Variants in WWOX observed in about 807,000 individuals in gnomAD.
WWOX encodes the protein WW domain-containing oxidoreductase.
A neutral mutation model predicts 46.2 loss-of-function variants in WWOX; 69 were observed. The ratio of observed to expected loss-of-function variants is 1.49; its 90% CI spans 1.23 to 1.82. The LOEUF (loss-of-function observed/expected upper bound fraction) is 1.82, where lower values mean the gene tolerates loss of function less well. Among genes scored for constraint, WWOX ranks in the 40% most tolerant of loss-of-function variants. WWOX has a pLI of 0.00. For missense variants in WWOX, 919 were observed against 542.6 expected, an observed-to-expected ratio of 1.69 and a Z score of -6.89; for synonymous variants, 359 against 202.6, an observed-to-expected ratio of 1.77 and a Z score of -6.56.
In WWOX at chr16:78,308,580, T is replaced by A. The variant is rs1313628925; in HGVS notation, c.517-78280T>A. Among the ~76,000 whole-genome samples, 4 of 152,200 alleles carry A rather than the reference T, an allele frequency of 2.6e-5. No individual in the cohort carries two copies. The South Asian group carries it at 6.2e-4, about 24-fold the overall frequency. On this transcript the variant is annotated intron_variant, in intron 5 of 8. Transcript: ENST00000566780. ...CCAAAATATATTTCTCTGGTATATT[T>A]CGAAATGGCCCTGCAAAGCTGTTTC...
chr16:78,431,296 T>G (rs181620609), intron 7 of WWOX, among the ~76,000 whole-genome samples: 57 of 152,330 alleles, frequency 3.7e-4, no homozygotes, highest in African/African-American at 1.3e-3. Flanking sequence ...TGGCTTTGTT[T>G]ACATTTTTCT....
intron 8 of WWOX, among the ~76,000 whole-genome samples, chr16:78,937,506 G>C (rs1249726807): frequency 2.9e-5 from 4 of 138,320 alleles, no homozygotes; most frequent in South Asian, 2.2e-4. Flanking sequence ...TGTTGCCCAG[G>C]CTGGTCTCAA....
chr16:78,750,729 G>A (rs2049456912), intron 8 of WWOX, among the ~76,000 whole-genome samples: 1 of 152,154 alleles, frequency 6.6e-6, no homozygotes, highest in Non-Finnish European at 1.5e-5. Flanking sequence ...CGACTTGTAA[G>A]TAAGAACATG....
intron 8 of WWOX, among the ~76,000 whole-genome samples, chr16:78,883,339 G>C (rs1439183940): frequency 6.6e-6 from 1 of 152,168 alleles, no homozygotes; most frequent in Non-Finnish European, 1.5e-5. Context: ...TCCTGGATTA[G>C]ACCCTGAATC....
At chr16:78,291,692 A>C (rs1031917100) in intron 5 of WWOX, among the ~76,000 whole-genome samples, 8 of 152,180 alleles carry the variant, frequency 5.3e-5, no homozygotes, top group Non-Finnish European at 1.2e-4. Context: ...GCTTTTTATC[A>C]AAGTTACACA....
chr16:78,651,744 G>T (rs2046970262), intron 8 of WWOX, among the ~76,000 whole-genome samples: 1 of 152,186 alleles, frequency 6.6e-6, no homozygotes, highest in Admixed American at 6.5e-5. Context: ...AATCTTTGAT[G>T]AAGAACCTCT....
chr16:78,815,823 C>T (rs1037243695), intron 8 of WWOX, among the ~76,000 whole-genome samples: 1 of 152,204 alleles, frequency 6.6e-6, no homozygotes, highest in Non-Finnish European at 1.5e-5. Context: ...TGCTTGGCTG[C>T]CTATGAGTCC....
intron 8 of WWOX, among the ~76,000 whole-genome samples, chr16:78,615,410 A>G (rs972413869): frequency 3.3e-5 from 5 of 152,084 alleles, no homozygotes; most frequent in African/African-American, 1.2e-4. Flanking sequence ...ACACGTAGGG[A>G]GGCTGAGGCA....
chr16:78,748,673 G>C (rs962747499), intron 8 of WWOX, among the ~76,000 whole-genome samples: 2 of 152,222 alleles, frequency 1.3e-5, no homozygotes, highest in African/African-American at 4.8e-5. Context: ...ATTAGGTAAA[G>C]TGCTTATTTG....
At chr16:78,561,550 G>T (rs1431785532) in intron 8 of WWOX, among the ~76,000 whole-genome samples, 2 of 151,972 alleles carry the variant, frequency 1.3e-5, no homozygotes, top group Non-Finnish European at 2.9e-5. Context: ...GAATCCGGGA[G>T]GCCAATTTAG....
chr16:78,134,516 A>G (rs1318289341), intron 4 of WWOX, among the ~76,000 whole-genome samples: 1 of 152,040 alleles, frequency 6.6e-6, no homozygotes, highest in Non-Finnish European at 1.5e-5. Context: ...TATTCAGAGC[A>G]CACCTCTGGC....
chr16:78,711,636 G>A (rs1344552775), intron 8 of WWOX, among the ~76,000 whole-genome samples: 3 of 152,098 alleles, frequency 2.0e-5, no homozygotes, highest in Non-Finnish European at 4.4e-5. Context: ...ATATAACATC[G>A]TCTGATAAAT....
chr16:78,689,861 T>A (rs1232130393), intron 8 of WWOX, among the ~76,000 whole-genome samples: 5 of 152,128 alleles, frequency 3.3e-5, no homozygotes, highest in Non-Finnish European at 7.4e-5. Flanking sequence ...TTTTTTGTTT[T>A]TTTTGTGTGT....
At chr16:79,185,291 C>T (rs2050991403) in intron 8 of WWOX, among the ~76,000 whole-genome samples, 1 of 152,320 alleles carries the variant, frequency 6.6e-6, no homozygotes, top group South Asian at 2.1e-4. Context: ...AGAGCAGAGG[C>T]AGTCTCAATA....
chr16:78,480,423 G>A (rs959869092), intron 8 of WWOX, among the ~76,000 whole-genome samples: 1 of 152,192 alleles, frequency 6.6e-6, no homozygotes, highest in Non-Finnish European at 1.5e-5. Flanking sequence ...TTTATTGGGT[G>A]GCAGGTACTG....
Position 78,188,132 on chromosome 16 carries a change from A to G in WWOX, c.516+23843A>G, listed in dbSNP as rs182451758. On this transcript the variant is annotated intron_variant, in intron 5 of 8. Coordinates refer to ENST00000566780, the MANE Select transcript of WWOX (RefSeq NM_016373.4). The stretch of plus-strand genomic sequence containing the variant: ...TGAAATTTAGTACTTGTCAATATGT[A>G]TTAAATCAATACAGTTATATTTATC... 5.7e-3 allele frequency among the ~76,000 whole-genome samples: 861 copies of G among 152,304 alleles called. 28 individuals are homozygous for G. The highest frequency in any genetic ancestry group is 0.051 in the Admixed American group (784 of 15,294).
chr16:78,889,213 C>G (rs1000717373), intron 8 of WWOX, among the ~76,000 whole-genome samples: 1 of 152,134 alleles, frequency 6.6e-6, no homozygotes, highest in Non-Finnish European at 1.5e-5. Context: ...TTTCTGTTTC[C>G]TTAAGTAAAA....
intron 5 of WWOX, among the ~76,000 whole-genome samples, chr16:78,277,262 G>A (rs1052789804): frequency 2.6e-5 from 4 of 152,196 alleles, no homozygotes; most frequent in Non-Finnish European, 2.9e-5. Flanking sequence ...TTGAATAGCC[G>A]TGTTTCCTCA....
intron 5 of WWOX, among the ~76,000 whole-genome samples, chr16:78,223,205 A>T (rs927030960): frequency 2.0e-5 from 3 of 152,130 alleles, no homozygotes; most frequent in Non-Finnish European, 2.9e-5. Context: ...CCATCAAGGG[A>T]CACTTGTCTG....
Sources: allele counts gnomAD v4.1 joint callset (sites outside exome capture counted in the v4.1 genomes callset), GRCh38; gene constraint gnomAD v4.1.1; transcripts MANE v1.5; gene names NCBI Gene and HGNC (gene_info 2026-07-23, HGNC 2026-07-21).